DPYSL4: variants seen among roughly 807,000 people sequenced by gnomAD.
DPYSL4 encodes the protein dihydropyrimidinase-related protein 4.
Under a neutral mutation model 63.4 loss-of-function variants are expected in DPYSL4, and 43 were observed. The observed-to-expected ratio is 0.68, with a 90% CI of 0.53 to 0.88. DPYSL4 has a LOEUF of 0.88. DPYSL4 is among the 40% of genes least tolerant of loss of function. The pLI is 0.00. For synonymous variants in DPYSL4, 353 were observed against 331.7 expected, an observed-to-expected ratio of 1.06 and a Z score of -0.70; for missense variants, 733 against 819.5, an observed-to-expected ratio of 0.89 and a Z score of 1.29.
At chr10:132,192,605 TCTGGGCTCTGAC>T in intron 2 of DPYSL4, 41 bp from the exon 3 acceptor site, 1 of 1,535,858 alleles carries the variant, frequency 6.5e-7, no homozygotes, top group South Asian at 1.3e-5. Context: ...TGGGAGCCCA[TCTGGGCTCTGAC>T]CTGGGCTCCC....
intron 3 of DPYSL4, among the ~76,000 whole-genome samples, chr10:132,194,307 C>T (rs372365406): frequency 3.2e-4 from 48 of 152,324 alleles, no homozygotes; most frequent in South Asian, 2.1e-4. Flanking sequence ...GAGCAGTGTT[C>T]GGGCCTTGGG....
In DPYSL4 at chr10:132,202,768, C is replaced by T. The variant is rs139206037; in HGVS notation, c.1404C>T (p.Phe468=). 5.6e-4 allele frequency: 896 copies of T among 1,612,410 alleles called. 1 individual carries two copies. The highest frequency in any genetic ancestry group is 6.8e-4 in the Non-Finnish European group (798 of 1,179,550). ...KMFVTPGAGR[F]VPRKTFPDFV... ...TTGTCACCCCGGGGGCGGGCCGCTT[C>T]GTCCCTCGGAAAACATTCCCGGACT... is the stretch of plus-strand genomic sequence containing the variant. The change falls in exon 12 of 14, where the codon TTC becomes TTT. Residue 468 remains phenylalanine (F), a synonymous_variant. Coordinates refer to ENST00000338492, the MANE Select transcript of DPYSL4 (RefSeq NM_006426.3).
At chr10:132,188,122 G>C (rs1287254934) in intron 1 of DPYSL4, among the ~76,000 whole-genome samples, 1 of 152,170 alleles carries the variant, frequency 6.6e-6, no homozygotes, top group Non-Finnish European at 1.5e-5. Context: ...AGGAGGTCTT[G>C]CCAGTCAGCT....
intron 13 of DPYSL4, among the ~76,000 whole-genome samples, chr10:132,204,223 CAG>C (rs2062062978): frequency 6.6e-6 from 1 of 152,176 alleles, no homozygotes; most frequent in Admixed American, 6.5e-5. Flanking sequence ...GATCCAGCCT[CAG>C]GGGAGGTGGG....
chr10:132,201,082 C>T (rs1304513143), intron 10 of DPYSL4, 99 bp downstream of exon 10: 13 of 1,488,056 alleles, frequency 8.7e-6, no homozygotes, highest in Middle Eastern at 1.8e-4. Flanking sequence ...AGTGCACACT[C>T]GTGAAACAGA....
intron 1 of DPYSL4, among the ~76,000 whole-genome samples, chr10:132,187,662 G>A (rs2061822127): frequency 6.6e-6 from 1 of 152,356 alleles, no homozygotes; most frequent in African/African-American, 2.4e-5. Flanking sequence ...GCTCTGGCCG[G>A]AGTCCCTGGT....
At chr10:132,199,758 CCACT>C (rs2061988234) in intron 8 of DPYSL4, among the ~76,000 whole-genome samples, 2 of 151,968 alleles carry the variant, frequency 1.3e-5, no homozygotes, top group Non-Finnish European at 2.9e-5. Context: ...AAACTGAAAC[CCACT>C]CAGTTAACTG....
At position 132,187,025 on chromosome 10, in the gene DPYSL4, C is replaced by G; in HGVS notation, c.-39C>G. ...CGCCCGCCCGCCCGCCCGCCCGCCC[C>G]CGCTTGTGCCGCCCCTACCAGAGAC... On this transcript the variant is annotated 5_prime_UTR_variant, in exon 1 of 14. Transcript: ENST00000338492. 2.0e-6 allele frequency: 1 copy of G among 512,644 alleles called. No homozygotes were observed. The highest frequency in any genetic ancestry group is 2.9e-6 in the Non-Finnish European group (1 of 348,380). 31.8% of individuals were successfully genotyped at this position (512,644 alleles called of 1,614,324 possible).
chr10:132,193,375 C>T (rs1319966281), intron 3 of DPYSL4, among the ~76,000 whole-genome samples: 1 of 152,262 alleles, frequency 6.6e-6, no homozygotes, highest in East Asian at 1.9e-4. Context: ...GTGCCCGGCA[C>T]GGGCTCTATC....
At chr10:132,187,703 A>G (rs1042091289) in intron 1 of DPYSL4, among the ~76,000 whole-genome samples, 1 of 152,222 alleles carries the variant, frequency 6.6e-6, no homozygotes, top group Non-Finnish European at 1.5e-5. Flanking sequence ...ACCTGGGTTC[A>G]GCGACTCCAA....
At position 132,205,183 on chromosome 10, in the gene DPYSL4, G is replaced by A. The variant is rs2062080332; in HGVS notation, c.*253G>A. On this transcript the variant is annotated 3_prime_UTR_variant, in exon 14 of 14. Transcript: ENST00000338492. ...GGTGGAGCCACATGGCAGGGACAATGCCGGCAGCCTGAGCCCAGGCACCCC... is the reference window on the plus strand; with the variant it reads ...GGTGGAGCCACATGGCAGGGACAATACCGGCAGCCTGAGCCCAGGCACCCC... The A allele has an allele frequency of 5.9e-6, 2 of 341,432 alleles. No homozygotes were observed. The highest frequency in any genetic ancestry group is 4.2e-5 in the African/African-American group (2 of 47,264). 21.2% of individuals were successfully genotyped at this position (341,432 alleles called of 1,614,324 possible).
At chr10:132,202,557 G>A in intron 11 of DPYSL4, 89 bp from the exon 12 acceptor site, 1 of 1,537,138 alleles carries the variant, frequency 6.5e-7, no homozygotes. Flanking sequence ...GCTCCACGCT[G>A]GGCGGCCACA....
At chr10:132,189,571 G>A (rs562166752) in intron 1 of DPYSL4, among the ~76,000 whole-genome samples, 16 of 151,168 alleles carry the variant, frequency 1.1e-4, no homozygotes, top group African/African-American at 1.9e-4. Flanking sequence ...CTGGGAGTGC[G>A]TCCGAGCTGC....
chr10:132,196,371 C>T (rs2061944399), intron 4 of DPYSL4, among the ~76,000 whole-genome samples: 1 of 152,230 alleles, frequency 6.6e-6, no homozygotes, highest in Admixed American at 6.5e-5. Context: ...TCTGGGTGGT[C>T]CCACAAGCCT....
Position 132,198,906 on chromosome 10 carries a change from C to T in DPYSL4, c.746C>T (p.Pro249Leu), listed in dbSNP as rs565090772. The T allele has an allele frequency of 1.4e-5, 22 of 1,612,976 alleles. No individual in the cohort carries two copies. The highest frequency in any genetic ancestry group is 5.0e-5 in the Admixed American group (3 of 60,026). Residue 249 changes from proline to leucine, a missense_variant, in exon 8 of 14, where the codon CCG becomes CTG. Pro to Leu is a moderately conservative substitution (Grantham distance 98). Coordinates refer to ENST00000338492, the MANE Select transcript of DPYSL4 (RefSeq NM_006426.3). ...AVTIAKQANC[P>L]LYVTKVMSKG... is the part of the protein sequence containing the mutation. ...ACCATCGCCAAGCAGGCAAACTGCC[C>T]GCTGTACGTCACCAAGGTGATGAGC...
In DPYSL4 at chr10:132,187,039, C is replaced by T; in HGVS notation, c.-25C>T. On this transcript the variant is annotated 5_prime_UTR_variant, in exon 1 of 14. Coordinates refer to ENST00000338492, the MANE Select transcript of DPYSL4 (RefSeq NM_006426.3). ...CCCGCCCGCCCCCGCTTGTGCCGCC[C>T]CTACCAGAGACCCCCAGGAGCAGGA... 7.8e-7 allele frequency: 1 copy of T among 1,290,310 alleles called. No homozygotes were observed. Among genetic ancestry groups the T allele is most frequent in the Non-Finnish European group, 1.0e-6 (1 of 974,098 alleles). The allele number at this position is 1,290,310 out of a possible 1,614,324, so 79.9% of individuals were successfully genotyped here.
Position 132,186,994 on chromosome 10 carries a change from T to TCCGCCCCC in DPYSL4, c.-68_-67insGCCCCCCC. The TCCGCCCCC allele has an allele frequency of 8.7e-5, 19 of 217,372 alleles. 5 individuals are homozygous for TCCGCCCCC. Among genetic ancestry groups the TCCGCCCCC allele is most frequent in the South Asian group, 7.5e-4 (10 of 13,406 alleles). The allele number at this position is 217,372 out of a possible 1,614,324, so 13.5% of individuals were successfully genotyped here. Reference sequence around the variant, plus strand: ...CCACGCACGCGTCCCGGCTCACGCGTCCCCCCGCCCGCCCGCCCGCCCGCC... The same window carrying TCCGCCCCC: ...CCACGCACGCGTCCCGGCTCACGCGTCCGCCCCCCCCCCCGCCCGCCCGCCCGCCCGCC... On this transcript the variant is annotated 5_prime_UTR_variant, in exon 1 of 14. Coordinates refer to ENST00000338492, the MANE Select transcript of DPYSL4 (RefSeq NM_006426.3).
intron 1 of DPYSL4, among the ~76,000 whole-genome samples, chr10:132,187,318 G>A (rs1436437899): frequency 4.0e-5 from 5 of 126,366 alleles, no homozygotes; most frequent in African/African-American, 1.5e-4. Context: ...AAGGAGCGGG[G>A]CGCCCAGGCC....
At chr10:132,204,786 A>C (rs2062072554) in intron 13 of DPYSL4, 53 bp from the exon 14 acceptor site, 2 of 1,500,648 alleles carry the variant, frequency 1.3e-6, no homozygotes, top group Non-Finnish European at 9.0e-7. Context: ...CTTGAATAGA[A>C]GGGCCCCTGC....
Sources: gnomAD v4.1 joint callset for allele counts (sites outside exome capture counted in the v4.1 genomes callset) on GRCh38, gnomAD v4.1.1 for gene constraint, MANE v1.5 for transcripts, NCBI Gene and HGNC (gene_info 2026-07-23, HGNC 2026-07-21) for gene names.